Variants in SUCLG2 observed in about 807,000 individuals in gnomAD.
SUCLG2 encodes the protein succinate--CoA ligase [GDP-forming] subunit beta, mitochondrial.
A neutral mutation model predicts 47.9 loss-of-function variants in SUCLG2; 42 were observed. The ratio of observed to expected loss-of-function variants is 0.88; its 90% confidence interval spans 0.69 to 1.14. The LOEUF (loss-of-function observed/expected upper bound fraction) is 1.14, where lower values mean the gene tolerates loss of function less well. SUCLG2 is among the 50% of genes most tolerant of loss of function. The pLI is 0.00. For synonymous variants in SUCLG2, 195 were observed against 197.3 expected, an observed-to-expected ratio of 0.99 and a Z score of 0.10; for missense variants, 571 against 525.9, an observed-to-expected ratio of 1.09 and a Z score of -0.84.
intron 9 of SUCLG2, among the ~76,000 whole-genome samples, chr3:67,451,202 G>A (rs1704048426): frequency 6.6e-6 from 1 of 152,044 alleles, no homozygotes; most frequent in African/African-American, 2.4e-5. Flanking sequence ...TGTAGTTTTG[G>A]CTGCTTGAAT....
chr3:67,510,403 G>A (rs1705754559), intron 6 of SUCLG2, among the ~76,000 whole-genome samples: 1 of 152,106 alleles, frequency 6.6e-6, no homozygotes, highest in Non-Finnish European at 1.5e-5. Flanking sequence ...ATTTGCATAG[G>A]TAGATAATAC....
At chr3:67,419,836 C>T (rs1384321135) in intron 9 of SUCLG2, among the ~76,000 whole-genome samples, 3 of 152,092 alleles carry the variant, frequency 2.0e-5, no homozygotes, top group African/African-American at 7.2e-5. Context: ...TTTAGAATGA[C>T]AGGTTGCATG....
chr3:67,402,745 T>C (rs898761661), intron 9 of SUCLG2, among the ~76,000 whole-genome samples: 5 of 152,250 alleles, frequency 3.3e-5, no homozygotes, highest in Admixed American at 3.3e-4. Flanking sequence ...CATTGGCACC[T>C]GCATGCCTCT....
intron 1 of SUCLG2, among the ~76,000 whole-genome samples, chr3:67,633,755 G>C (rs1011321004): frequency 2.0e-5 from 3 of 152,128 alleles, no homozygotes; most frequent in Non-Finnish European, 2.9e-5. Flanking sequence ...GGCTATGAAG[G>C]GCCCTCAGAG....
At chr3:67,464,418 A>G (rs1356716042) in intron 9 of SUCLG2, among the ~76,000 whole-genome samples, 4 of 152,208 alleles carry the variant, frequency 2.6e-5, no homozygotes, top group Admixed American at 6.5e-5. Context: ...GACATCCCCA[A>G]TTCCAAATTT....
At chr3:67,647,055 C>T (rs1188958187) in intron 1 of SUCLG2, among the ~76,000 whole-genome samples, 1 of 152,120 alleles carries the variant, frequency 6.6e-6, no homozygotes, top group African/African-American at 2.4e-5. Flanking sequence ...GGCAGCCCTC[C>T]TGAACCTCCT....
chr3:67,523,616 T>G (rs1706179010), intron 4 of SUCLG2, among the ~76,000 whole-genome samples: 1 of 152,208 alleles, frequency 6.6e-6, no homozygotes, highest in African/African-American at 2.4e-5. Flanking sequence ...ACATAAAGTC[T>G]GCCTTTCTAA....
At chr3:67,396,231 G>C (rs1702525610) in intron 10 of SUCLG2, among the ~76,000 whole-genome samples, 1 of 152,084 alleles carries the variant, frequency 6.6e-6, no homozygotes, top group African/African-American at 2.4e-5. Flanking sequence ...ATGAAACCAG[G>C]AGCTGGTTTT....
At chr3:67,442,849 C>A (rs1432068518) in intron 9 of SUCLG2, among the ~76,000 whole-genome samples, 1 of 152,122 alleles carries the variant, frequency 6.6e-6, no homozygotes, top group Non-Finnish European at 1.5e-5. Flanking sequence ...ATTTCCCAGA[C>A]TGAATTCAGA....
intron 9 of SUCLG2, among the ~76,000 whole-genome samples, chr3:67,427,275 TGAG>T (rs1703327771): frequency 6.6e-6 from 1 of 152,164 alleles, no homozygotes; most frequent in East Asian, 1.9e-4. Flanking sequence ...AAAATAACTT[TGAG>T]GAGGAGAAGC....
chr3:67,505,968 A>G (rs1313269216), intron 7 of SUCLG2, among the ~76,000 whole-genome samples: 1 of 151,854 alleles, frequency 6.6e-6, no homozygotes, highest in Non-Finnish European at 1.5e-5. Flanking sequence ...TCTCAAAAAT[A>G]AAAAAGAAAA....
rs1702018711 is a variant in SUCLG2, at chr3:67,375,608, T to G, written c.*136A>C. The G allele has an allele frequency of 7.0e-7, 1 of 1,432,820 alleles. No homozygotes were observed. The highest frequency in any genetic ancestry group is 1.4e-5 in the African/African-American group (1 of 69,386). The allele number at this position is 1,432,820 out of a possible 1,614,324, so 88.8% of individuals were successfully genotyped here. ...ATATCTTATTCCAGAAAACACAGAT[T>G]TAAGATTTTTCAGTGATTCTTGCCT... On this transcript the variant is annotated 3_prime_UTR_variant, in exon 11 of 11. Transcript: ENST00000307227.
In SUCLG2 at chr3:67,528,113, C is replaced by T. The variant is rs1395162233; in HGVS notation, c.417+19G>A. 6.2e-7 allele frequency: 1 copy of T among 1,605,194 alleles called. No homozygotes were observed. On this transcript the variant is annotated intron_variant, in intron 4 of 10. Coordinates refer to ENST00000307227, the MANE Select transcript of SUCLG2 (RefSeq NM_003848.4). ...TTTTTAACACATATATAGAAAATGA[C>T]CCAAAGTATCCATATTACCTTGTTA...
intron 10 of SUCLG2, among the ~76,000 whole-genome samples, chr3:67,386,868 T>C (rs918282718): frequency 2.6e-5 from 4 of 152,232 alleles, no homozygotes; most frequent in Non-Finnish European, 5.9e-5. Context: ...CCTGGAGACC[T>C]TCTCAAGAAA....
chr3:67,596,397 T>C (rs1172389562), intron 2 of SUCLG2, among the ~76,000 whole-genome samples: 2 of 152,176 alleles, frequency 1.3e-5, no homozygotes. Context: ...AAGGACAAGG[T>C]TTCTATTCTG....
chr3:67,642,393 C>T (rs1701116884), intron 1 of SUCLG2, among the ~76,000 whole-genome samples: 1 of 151,952 alleles, frequency 6.6e-6, no homozygotes, highest in Non-Finnish European at 1.5e-5. Flanking sequence ...TCACTTGAGG[C>T]CACAAGTTGG....
At chr3:67,605,423 T>C (rs1700391594) in intron 2 of SUCLG2, among the ~76,000 whole-genome samples, 1 of 152,168 alleles carries the variant, frequency 6.6e-6, no homozygotes, top group African/African-American at 2.4e-5. Context: ...TGGTTCCATA[T>C]CCTCTTCTAA....
intron 2 of SUCLG2, among the ~76,000 whole-genome samples, chr3:67,589,594 C>T (rs1708104657): frequency 6.6e-6 from 1 of 152,224 alleles, no homozygotes; most frequent in African/African-American, 2.4e-5. Flanking sequence ...TATATATCCC[C>T]TGCCATGCAC....
intron 9 of SUCLG2, among the ~76,000 whole-genome samples, chr3:67,489,076 A>G (rs1705137900): frequency 6.6e-6 from 1 of 152,142 alleles, no homozygotes; most frequent in Non-Finnish European, 1.5e-5. Context: ...TGAGTGTTCT[A>G]TTAGGGATGG....
Sources: gnomAD v4.1 joint callset for allele counts (sites outside exome capture counted in the v4.1 genomes callset) on GRCh38, gnomAD v4.1.1 for gene constraint, MANE v1.5 for transcripts, NCBI Gene and HGNC (gene_info 2026-07-23, HGNC 2026-07-21) for gene names.